The following MGST1 variants were observed in gnomAD, a reference collection of about 807,000 sequenced individuals.
MGST1 encodes microsomal glutathione S-transferase 1, also known as glutathione S-transferase 12.
A neutral mutation model predicts 8.9 loss-of-function variants in MGST1; 5 were observed. The ratio of observed to expected loss-of-function variants is 0.56; its 90% CI spans 0.29 to 1.19. The LOEUF (loss-of-function observed/expected upper bound fraction) is 1.19, where lower values mean the gene tolerates loss of function less well. Ranked by LOEUF, MGST1 falls within the 50% of genes most tolerant of loss-of-function variation. The probability of loss-of-function intolerance (pLI) is 0.08; values close to 1 mark genes in which losing one functional copy is unlikely to be tolerated. For missense variants in MGST1, 182 were observed against 187.4 expected (o/e 0.97, Z 0.17); for synonymous variants, 54 against 67.8 (o/e 0.80, Z 1.00).
chr12:16,501,162 C>T (rs920176112), intron 4 of MGST1, among the ~76,000 whole-genome samples: 5 of 147,636 alleles, frequency 3.4e-5, no homozygotes, highest in African/African-American at 1.2e-4. Context: ...CACAGATATA[C>T]ATTATGCATT....
chr12:16,379,154 G>T (rs1342532455), downstream of MGST1, among the ~76,000 whole-genome samples: 5 of 152,142 alleles, frequency 3.3e-5, no homozygotes. Context: ...TTTCCTGCCT[G>T]ATTGTCCTGG....
At chr12:16,463,079 A>G (rs1423937375) in intron 4 of MGST1, among the ~76,000 whole-genome samples, 2 of 152,130 alleles carry the variant, frequency 1.3e-5, no homozygotes, top group Non-Finnish European at 2.9e-5. Context: ...TTACTTGTCA[A>G]TCTATTTTTT....
intron 4 of MGST1, among the ~76,000 whole-genome samples, chr12:16,570,421 G>C (rs188195952): frequency 4.0e-5 from 6 of 151,508 alleles, no homozygotes; most frequent in African/African-American, 1.5e-4. Flanking sequence ...TACTCATCTC[G>C]TAATTAAGGC....
In MGST1 at chr12:16,389,630, G is replaced by A. The variant is rs1012535; in HGVS notation, n.778+6026G>A. Among the ~76,000 whole-genome samples, 12,095 of 152,240 alleles carry A rather than the reference G, an allele frequency of 0.079. 586 individuals carry two copies. The highest frequency in any genetic ancestry group is 0.22 in the East Asian group (1,124 of 5,160). On this transcript the variant is annotated intron_variant and non_coding_transcript_variant, in intron 1 of 1. Transcript: ENST00000359720. This position sits in a 1 kb window ranked among gnomAD's most constrained non-coding sequence, Gnocchi z 4.6. ...AGCAATATGACATGAGTACCTCATA[G>A]GAGGGACTACAGAGAAGCAAGGATT... is the stretch of plus-strand genomic sequence containing the variant.
chr12:16,390,120 T>C (rs1413736551), intron 1 of MGST1, among the ~76,000 whole-genome samples: 2 of 152,142 alleles, frequency 1.3e-5, no homozygotes, highest in East Asian at 3.9e-4. Flanking sequence ...ATTTCTCTGG[T>C]TAGGAAATGT....
intron 1 of MGST1, among the ~76,000 whole-genome samples, chr12:16,352,212 A>G (rs1939499871): frequency 6.6e-6 from 1 of 152,238 alleles, no homozygotes; most frequent in Non-Finnish European, 1.5e-5. Context: ...GTATAGTTGA[A>G]CACATAGCAA....
chr12:16,528,244 T>C (rs1278890345), intron 4 of MGST1, among the ~76,000 whole-genome samples: 1 of 152,024 alleles, frequency 6.6e-6, no homozygotes, highest in Non-Finnish European at 1.5e-5. Context: ...CCTGGTTCAG[T>C]GCCTGCTTTC....
intron 4 of MGST1, among the ~76,000 whole-genome samples, chr12:16,535,784 A>G (rs1937647083): frequency 6.6e-6 from 1 of 152,208 alleles, no homozygotes; most frequent in Non-Finnish European, 1.5e-5. Flanking sequence ...AATGTTCAGA[A>G]GAAAGCCTCC....
intron 4 of MGST1, among the ~76,000 whole-genome samples, chr12:16,571,724 T>C (rs1337585402): frequency 1.3e-5 from 2 of 152,042 alleles, no homozygotes; most frequent in Non-Finnish European, 2.9e-5. Context: ...TTAAATACCC[T>C]TTCAAGATAT....
chr12:16,360,985 C>G (rs1565437577), intron 3 of MGST1, among the ~76,000 whole-genome samples: 2 of 151,624 alleles, frequency 1.3e-5, no homozygotes. Flanking sequence ...AGTGTTCCCC[C>G]CCTCCCCGCC....
rs575164959 is a variant in MGST1 at position 16,349,905 on chromosome 12, C to T, written c.-23+2195C>T. Among the ~76,000 whole-genome samples the T allele has an allele frequency of 4.1e-4, 62 of 152,134 alleles. 1 individual carries two copies. In the South Asian group the frequency reaches 0.012, roughly 31 times the overall value. ...GACTACAGGCACCTGCCACCACGCC[C>T]AGCTAATTTTTTGTATTTTTAATAG... On this transcript the variant is annotated intron_variant, in intron 1 of 3. Transcript: ENST00000396210.
At chr12:16,568,036 T>C (rs1942677893) in intron 4 of MGST1, among the ~76,000 whole-genome samples, 1 of 152,128 alleles carries the variant, frequency 6.6e-6, no homozygotes, top group African/African-American at 2.4e-5. Context: ...TTTTTGGAAT[T>C]CTTGAGATCT....
intron 4 of MGST1, among the ~76,000 whole-genome samples, chr12:16,505,476 C>T (rs987480213): frequency 1.3e-5 from 2 of 152,290 alleles, no homozygotes; most frequent in East Asian, 3.9e-4. Flanking sequence ...CCTGATTTTA[C>T]TTTCAACTAT....
chr12:16,411,270 C>T (rs1452316196), intron 1 of MGST1, among the ~76,000 whole-genome samples: 1 of 152,072 alleles, frequency 6.6e-6, no homozygotes, highest in Non-Finnish European at 1.5e-5. Flanking sequence ...TCTAGTGCAA[C>T]TCTGGTACTT....
In MGST1 at chr12:16,513,238, T is replaced by C. The variant is rs536796318; in HGVS notation, n.483-76290T>C. ...CATGACTTCAGCTTTTCATGAACTC[T>C]ACGGAATTCTCCCATAACTTATTTC... is the stretch of plus-strand genomic sequence containing the variant. On this transcript the variant is annotated intron_variant and non_coding_transcript_variant, in intron 4 of 4. Coordinates refer to the MGST1 transcript ENST00000538857. The surrounding 1 kb of genome is among the most constrained non-coding windows in gnomAD (Gnocchi z 4.2). Among the ~76,000 whole-genome samples, 1 of 152,206 alleles carries C rather than the reference T, an allele frequency of 6.6e-6. No homozygotes were observed. Among genetic ancestry groups the C allele is most frequent in the Non-Finnish European group, 1.5e-5 (1 of 68,028 alleles).
intron 4 of MGST1, among the ~76,000 whole-genome samples, chr12:16,457,477 C>T (rs959108303): frequency 6.6e-6 from 1 of 151,916 alleles, no homozygotes; most frequent in Non-Finnish European, 1.5e-5. Context: ...GATTATTACT[C>T]AAGTCTCATT....
chr12:16,504,925 G>C (rs1468258264), intron 4 of MGST1, among the ~76,000 whole-genome samples: 1 of 151,996 alleles, frequency 6.6e-6, no homozygotes, highest in African/African-American at 2.4e-5. Context: ...TCCCACCGAG[G>C]CTGGCTTCCA....
At chr12:16,543,618 T>C (rs1675893436) in intron 4 of MGST1, among the ~76,000 whole-genome samples, 1 of 151,926 alleles carries the variant, frequency 6.6e-6, no homozygotes, top group Admixed American at 6.6e-5. Context: ...TGCCTTAGAT[T>C]GTTTCATTTA....
chr12:16,564,718 A>C (rs1942529521), intron 4 of MGST1, among the ~76,000 whole-genome samples: 1 of 152,224 alleles, frequency 6.6e-6, no homozygotes. Context: ...CACTGCAGTA[A>C]ACCTTAATTC....
Sources: allele counts gnomAD v4.1 joint callset (sites outside exome capture counted in the v4.1 genomes callset), GRCh38; gene constraint gnomAD v4.1.1; non-coding constraint Gnocchi (gnomAD v3.1); transcripts MANE v1.5; gene names NCBI Gene and HGNC (gene_info 2026-07-23, HGNC 2026-07-21).